The following ECM2 variants were observed in gnomAD, a reference collection of about 807,000 sequenced individuals.
ECM2 encodes extracellular matrix protein 2, female organ and adipocyte specific.
A neutral mutation model predicts 67.5 loss-of-function variants in ECM2; 57 were observed. That is an observed-to-expected ratio of 0.84 (90% confidence interval 0.68 to 1.05). The LOEUF is 1.05. ECM2 is among the 50% of genes least tolerant of loss of function. The pLI, the probability that ECM2 is intolerant of heterozygous loss-of-function variation, is 0.00. For synonymous variants in ECM2, 258 were observed against 294.5 expected (o/e 0.88, Z 1.27); for missense variants, 741 against 822.8 (o/e 0.90, Z 1.22).
chr9:92,502,649 A>C lies in ECM2; in HGVS notation c.1468T>G (p.Leu490Val). 6.4e-7 allele frequency: 1 copy of C among 1,563,100 alleles called. No individual in the cohort carries two copies. Among genetic ancestry groups the C allele is most frequent in the East Asian group, 2.2e-5 (1 of 44,498 alleles). ...TCAATTTGGTTATTTTCTAGGTATAATTCCTATAATTAAGAGAGAAGACTA... is the reference window on the plus strand; with the variant it reads ...TCAATTTGGTTATTTTCTAGGTATACTTCCTATAATTAAGAGAGAAGACTA... ...PQGLPGSIEE[L>V]YLENNQIEEI... The change falls in exon 8 of 10, where the codon TTA (leucine) becomes GTA (valine). Residue 490 changes from leucine to valine, a missense_variant. Leu to Val is a conservative substitution (Grantham distance 32, BLOSUM62 1). Transcript: ENST00000344604.
At chr9:92,545,024 T>TA in the ECM2 span, among the ~76,000 whole-genome samples, 1 of 152,176 alleles carries the variant, frequency 6.6e-6, no homozygotes, top group Non-Finnish European at 1.5e-5. Context: ...ACGCCCATCT[T>TA]ACAAATTCTT....
Position 92,496,106 on chromosome 9 carries a change from A to AGAGAT in ECM2, c.*204_*208dup. 1 of 1,189,360 alleles carries AGAGAT rather than the reference A, an allele frequency of 8.4e-7. No individual in the cohort carries two copies. Among genetic ancestry groups the AGAGAT allele is most frequent in the Non-Finnish European group, 1.0e-6 (1 of 961,880 alleles). The allele number at this position is 1,189,360 out of a possible 1,614,324, so 73.7% of individuals were successfully genotyped here. A position where few individuals can be genotyped will look rare whatever the true frequency, so the allele number is the denominator to read the frequency against. ...GCCTCTTTCTAGAGGTAGGAAACTG[A>AGAGAT]GAGATTTTACCTTTACTATTAATAA... On this transcript the variant is annotated 3_prime_UTR_variant, in exon 10 of 10. Transcript: ENST00000344604.
chr9:92,521,226 A>G (rs979086300), intron 2 of ECM2, among the ~76,000 whole-genome samples: 3 of 152,252 alleles, frequency 2.0e-5, no homozygotes, highest in African/African-American at 4.8e-5. Flanking sequence ...TTTAGTACAT[A>G]TAAAAACTTT....
Position 92,496,244 on chromosome 9 carries a change from CTT to C in ECM2, c.*69_*70del. ...AGTATAACAGGAGGATTATGTCTCT[CTT>C]ATTAATGACAAATGCAGCTACTACA... is the stretch of plus-strand genomic sequence containing the variant. On this transcript the variant is annotated 3_prime_UTR_variant, in exon 10 of 10. Transcript: ENST00000344604. 5 of 1,504,806 alleles carry C rather than the reference CTT, an allele frequency of 3.3e-6. No homozygotes were observed. Among genetic ancestry groups the C allele is most frequent in the Non-Finnish European group, 4.4e-6 (5 of 1,137,718 alleles). 93.2% of individuals were successfully genotyped at this position (1,504,806 alleles called of 1,614,324 possible).
intron 7 of ECM2, among the ~76,000 whole-genome samples, chr9:92,503,393 C>T (rs1484835508): frequency 2.6e-5 from 4 of 152,102 alleles, no homozygotes; most frequent in Non-Finnish European, 4.4e-5. Flanking sequence ...TTGTCCTAGC[C>T]GAGCCTCCAG....
At position 92,522,756 on chromosome 9, in the gene ECM2, C is replaced by T. The variant is rs772000948; in HGVS notation, c.111G>A (p.Arg37=). The stretch of plus-strand genomic sequence containing the variant: ...TGTGTGAGGTTGAACTTTTCCTCAA[C>T]CTTCTGTGGTAGATCTTCCTCCTTT... The part of the protein sequence containing the change: ...RKQRRKIYHR[R]LRKSSTSHKH... The change falls in exon 2 of 10, where the codon AGG becomes AGA. Residue 37 remains arginine (R), a synonymous_variant. Transcript: ENST00000344604. 6.2e-7 allele frequency: 1 copy of T among 1,614,002 alleles called. No homozygotes were observed. Among genetic ancestry groups the T allele is most frequent in the East Asian group, 2.2e-5 (1 of 44,876 alleles).
chr9:92,510,710 A>G (rs1847280576), intron 5 of ECM2, among the ~76,000 whole-genome samples: 2 of 152,352 alleles, frequency 1.3e-5, no homozygotes, highest in South Asian at 4.1e-4. Context: ...TCACTTCTCC[A>G]GTGATCATAT....
intron 1 of ECM2, among the ~76,000 whole-genome samples, chr9:92,529,436 C>T (rs1848610116): frequency 6.6e-6 from 1 of 152,102 alleles, no homozygotes; most frequent in African/African-American, 2.4e-5. Context: ...GCCATACAAC[C>T]CAGCAATCGT....
downstream of ECM2, chr9:92,494,228 G>A (rs1041829576): frequency 4.8e-6 from 7 of 1,454,806 alleles, no homozygotes; most frequent in Admixed American, 3.6e-5. Flanking sequence ...TGCTAGTTCT[G>A]CTGACTCACC....
At chr9:92,550,687 A>G in the ECM2 span, among the ~76,000 whole-genome samples, 1 of 152,170 alleles carries the variant, frequency 6.6e-6, no homozygotes, top group Non-Finnish European at 1.5e-5. Flanking sequence ...AGTTTCACAT[A>G]TGATATTCTA....
In ECM2 at chr9:92,512,089, A is replaced by G; in HGVS notation, c.1092T>C (p.Asn364=). The part of the protein sequence containing the change: ...SIASIPDEAF[N]GLPNLERLDL... Reference sequence around the variant, plus strand: ...CAAGCCTTTCCAAATTTGGTAATCCATTAAATGCTTCATCTGGGATGGAGG... The same window carrying G: ...CAAGCCTTTCCAAATTTGGTAATCCGTTAAATGCTTCATCTGGGATGGAGG... The change falls in exon 5 of 10, where the codon AAT becomes AAC. Residue 364 remains asparagine (N), a synonymous_variant. Coordinates refer to ENST00000344604, the MANE Select transcript of ECM2 (RefSeq NM_001393.4). The G allele has an allele frequency of 2.5e-6, 4 of 1,613,884 alleles. No individual in the cohort carries two copies. Among genetic ancestry groups the G allele is most frequent in the Non-Finnish European group, 3.4e-6 (4 of 1,179,848 alleles).
chr9:92,497,444 G>A (rs532031705), intron 9 of ECM2, among the ~76,000 whole-genome samples: 7 of 152,148 alleles, frequency 4.6e-5, no homozygotes, highest in Admixed American at 2.0e-4. Flanking sequence ...GACCAACATG[G>A]AGAAACCCCG....
intron 8 of ECM2, 96 bp from the exon 9 acceptor site, chr9:92,501,149 TC>T (rs1179766320): frequency 8.0e-7 from 1 of 1,249,630 alleles, no homozygotes; most frequent in East Asian, 2.4e-5. Context: ...TGGTCCATTT[TC>T]CTATAAGCAC....
At chr9:92,512,395 C>T (rs1161367215) in intron 4 of ECM2, among the ~76,000 whole-genome samples, 1 of 152,244 alleles carries the variant, frequency 6.6e-6, no homozygotes, top group African/African-American at 2.4e-5. Flanking sequence ...GTGCTTAACA[C>T]AGCCAGAATG....
intron 3 of ECM2, among the ~76,000 whole-genome samples, chr9:92,516,032 A>G (rs1470248212): frequency 6.6e-6 from 1 of 151,462 alleles, no homozygotes. Context: ...CTGGGTAAAC[A>G]GTTCTAGGAA....
rs752018109 is a variant in ECM2, at chr9:92,522,840, AAAAC to A, written c.23_26del (p.Cys8PhefsTer30). ...CAGTTTGAAAAATGATAAGCAGAAA[AAAAC>A]AAAACAAAACTGCAATCTTCATGTT... On this transcript the variant is annotated frameshift_variant, in exon 2 of 10. Coordinates refer to ENST00000344604, the MANE Select transcript of ECM2 (RefSeq NM_001393.4). LOFTEE classifies it high-confidence loss of function. The A allele has an allele frequency of 1.2e-4, 185 of 1,606,556 alleles. No homozygotes were observed. The highest frequency in any genetic ancestry group is 1.7e-4 in the Middle Eastern group (1 of 6,032).
chr9:92,546,458 C>T, the ECM2 span, among the ~76,000 whole-genome samples: 1 of 152,312 alleles, frequency 6.6e-6, no homozygotes, highest in Non-Finnish European at 1.5e-5. Flanking sequence ...TGCAGCTTCG[C>T]TCCTGAAGCC....
In ECM2 at chr9:92,522,563, G is replaced by T. The variant is rs369658359; in HGVS notation, c.292+12C>A. ...TCCCTCTTTCTGTCTCTCTCTCATA[G>T]TGTTCTCTTACCTGGTAACACATTA... On this transcript the variant is annotated intron_variant, in intron 2 of 9. Transcript: ENST00000344604. 170 of 1,591,560 alleles carry T rather than the reference G, an allele frequency of 1.1e-4. No individual in the cohort carries two copies. The highest frequency in any genetic ancestry group is 1.3e-4 in the Non-Finnish European group (157 of 1,167,344).
the ECM2 span, among the ~76,000 whole-genome samples, chr9:92,551,937 A>T: frequency 5.1e-5 from 5 of 98,374 alleles, 1 homozygote; most frequent in African/African-American, 2.1e-4. Flanking sequence ...ATATATATAT[A>T]TATATATATA....
Sources: allele counts gnomAD v4.1 joint callset (sites outside exome capture counted in the v4.1 genomes callset), GRCh38; gene constraint gnomAD v4.1.1; transcripts MANE v1.5; gene names NCBI Gene and HGNC (gene_info 2026-07-23, HGNC 2026-07-21).